EYS: variants seen among roughly 807,000 people sequenced by gnomAD.
EYS encodes protein eyes shut homolog.
A neutral mutation model predicts 282.1 loss-of-function variants in EYS; 250 were observed. That is an observed-to-expected ratio of 0.89 (90% CI 0.80 to 0.98). The LOEUF is 0.98. EYS is among the 50% of genes least tolerant of loss of function. The pLI is 0.00. For missense variants in EYS, 4,016 were observed against 3,709.0 expected, an observed-to-expected ratio of 1.08 and a Z score of -2.15; for synonymous variants, 1,355 against 1,282.9, an observed-to-expected ratio of 1.06 and a Z score of -1.20.
At chr6:64,307,600 G>T (rs1160126289) in intron 29 of EYS, among the ~76,000 whole-genome samples, 1 of 152,008 alleles carries the variant, frequency 6.6e-6, no homozygotes, top group African/African-American at 2.4e-5. Flanking sequence ...GAGATACAAA[G>T]CATCAGATAT....
At chr6:65,486,572 T>C (rs1005788125) in intron 5 of EYS, among the ~76,000 whole-genome samples, 3 of 152,188 alleles carry the variant, frequency 2.0e-5, no homozygotes, top group African/African-American at 7.2e-5. Context: ...GAAAGACACT[T>C]AGCAAATTTA....
At chr6:64,094,773 A>G (rs542342837) in intron 31 of EYS, among the ~76,000 whole-genome samples, 70 of 151,934 alleles carry the variant, frequency 4.6e-4, no homozygotes, top group African/African-American at 1.6e-3. Context: ...CTCTGATCTC[A>G]GTTATTTCTT....
At chr6:65,440,599 G>C (rs1351325218) in intron 5 of EYS, among the ~76,000 whole-genome samples, 3 of 151,304 alleles carry the variant, frequency 2.0e-5, no homozygotes, top group African/African-American at 7.3e-5. Flanking sequence ...ATTTTTGCTT[G>C]TCTTTAATGA....
chr6:65,144,430 T>A (rs1764423579), intron 12 of EYS, among the ~76,000 whole-genome samples: 1 of 152,112 alleles, frequency 6.6e-6, no homozygotes, highest in African/African-American at 2.4e-5. Flanking sequence ...ACTTGAAGGA[T>A]ATGGTTATAT....
At chr6:64,465,250 GA>G (rs888197594) in intron 26 of EYS, among the ~76,000 whole-genome samples, 5 of 151,038 alleles carry the variant, frequency 3.3e-5, no homozygotes, top group East Asian at 1.9e-4. Context: ...AACAAAAATA[GA>G]AAAAAAAATT....
intron 5 of EYS, among the ~76,000 whole-genome samples, chr6:65,407,503 C>A (rs892556492): frequency 2.6e-5 from 4 of 152,130 alleles, no homozygotes; most frequent in Non-Finnish European, 5.9e-5. Flanking sequence ...ATCTGCCCGT[C>A]TCGGCCTCCC....
intron 26 of EYS, among the ~76,000 whole-genome samples, chr6:64,504,559 G>A (rs1322397165): frequency 1.3e-5 from 2 of 152,204 alleles, no homozygotes; most frequent in African/African-American, 4.8e-5. Context: ...AAAACTCACT[G>A]TCAAGTCACA....
intron 15 of EYS, among the ~76,000 whole-genome samples, chr6:64,933,339 T>G (rs751838155): frequency 6.6e-6 from 1 of 152,068 alleles, no homozygotes; most frequent in East Asian, 1.9e-4. Context: ...GAACAGATAC[T>G]TCTCAAAAGG....
chr6:64,477,518 T>C (rs1262125041), intron 26 of EYS, among the ~76,000 whole-genome samples: 2 of 152,174 alleles, frequency 1.3e-5, no homozygotes, highest in African/African-American at 4.8e-5. Flanking sequence ...TAAATGGAAT[T>C]GGAAGTATGC....
chr6:64,046,128 C>G (rs1053258519), intron 33 of EYS, among the ~76,000 whole-genome samples: 5 of 147,496 alleles, frequency 3.4e-5, no homozygotes, highest in Non-Finnish European at 7.4e-5. Flanking sequence ...TATTTAAATA[C>G]GTTAGAAATA....
intron 7 of EYS, among the ~76,000 whole-genome samples, chr6:65,393,526 T>C (rs1246180040): frequency 1.3e-5 from 2 of 152,150 alleles, no homozygotes; most frequent in Admixed American, 6.5e-5. Flanking sequence ...TCAAAATTAA[T>C]AAGAAAATAT....
At chr6:64,839,479 C>T (rs761835284) in intron 19 of EYS, among the ~76,000 whole-genome samples, 1 of 151,812 alleles carries the variant, frequency 6.6e-6, no homozygotes, top group Non-Finnish European at 1.5e-5. Flanking sequence ...TAAAAAGTTG[C>T]CGGCAGTAAG....
chr6:65,353,641 AT>A, intron 8 of EYS, 24 bp from the exon 9 acceptor site: 1 of 1,598,296 alleles, frequency 6.3e-7, no homozygotes, highest in Non-Finnish European at 8.6e-7. Context: ...ACAAGGAAAA[AT>A]GGTAAATTCT....
At chr6:63,746,784 AT>A (rs1582166201) in intron 41 of EYS, among the ~76,000 whole-genome samples, 1 of 151,766 alleles carries the variant, frequency 6.6e-6, no homozygotes, top group Non-Finnish European at 1.5e-5. Context: ...CCCCTTTATC[AT>A]TTTTTACTGT....
intron 24 of EYS, among the ~76,000 whole-genome samples, chr6:64,595,421 C>T (rs923357369): frequency 6.6e-6 from 1 of 151,868 alleles, no homozygotes. Context: ...ACCATTGTCC[C>T]GGAAGTGCCA....
intron 31 of EYS, among the ~76,000 whole-genome samples, chr6:64,120,357 T>TAAAAAA (rs34632243): frequency 2.6e-4 from 20 of 76,760 alleles, no homozygotes; most frequent in African/African-American, 9.1e-4. Context: ...CTCCATCTCT[T>TAAAAAA]AAAAAAAAAA....
intron 26 of EYS, among the ~76,000 whole-genome samples, chr6:64,475,078 GC>G (rs1776220544): frequency 6.6e-6 from 1 of 152,108 alleles, no homozygotes; most frequent in Non-Finnish European, 1.5e-5. Flanking sequence ...AATTAAGTCA[GC>G]AGAATACTAT....
At chr6:63,858,194 A>C (rs1772442091) in intron 36 of EYS, among the ~76,000 whole-genome samples, 2 of 152,152 alleles carry the variant, frequency 1.3e-5, no homozygotes, top group Non-Finnish European at 2.9e-5. Context: ...ATAGCAACAA[A>C]CAACCATAAA....
intron 22 of EYS, among the ~76,000 whole-genome samples, chr6:64,662,598 C>T (rs1769079040): frequency 6.6e-6 from 1 of 152,094 alleles, no homozygotes; most frequent in Non-Finnish European, 1.5e-5. Context: ...TCTTCAAATG[C>T]TCTCTAGTCT....
Sources: allele counts gnomAD v4.1 joint callset (sites outside exome capture counted in the v4.1 genomes callset), GRCh38; gene constraint gnomAD v4.1.1; transcripts MANE v1.5; gene names NCBI Gene and HGNC (gene_info 2026-07-23, HGNC 2026-07-21).